The following COP1 variants were observed in gnomAD, a reference collection of about 807,000 sequenced individuals.
COP1 encodes the protein E3 ubiquitin-protein ligase COP1.
In COP1, 24 loss-of-function variants were observed where a neutral mutation model predicts 101.3. The observed-to-expected ratio is 0.24, with a 90% confidence interval of 0.17 to 0.33. The LOEUF (loss-of-function observed/expected upper bound fraction) is 0.33, where lower values mean the gene tolerates loss of function less well. Ranked by LOEUF, COP1 falls within the 10% of genes least tolerant of loss-of-function variation. The pLI is 1.00. For missense variants in COP1, 663 were observed against 906.2 expected (o/e 0.73, Z 3.45); for synonymous variants, 347 against 341.9 (o/e 1.01, Z -0.17).
intron 1 of COP1, among the ~76,000 whole-genome samples, chr1:176,185,089 T>A (rs186088839): frequency 5.9e-5 from 9 of 152,276 alleles, no homozygotes; most frequent in African/African-American, 1.9e-4. Flanking sequence ...TTTCTTCCTA[T>A]CCCAAATAAA....
chr1:176,195,100 GAAAAAGGAGAGGAGAGA>G (rs1415098294), intron 1 of COP1, among the ~76,000 whole-genome samples: 3 of 130,302 alleles, frequency 2.3e-5, no homozygotes, highest in Non-Finnish European at 4.7e-5. Context: ...GAAGAGAAGA[GAAAAAGGAGAGGAGAGA>G]AAGAGGGAGA....
chr1:175,949,763 A>T (rs1261781516), intron 18 of COP1, among the ~76,000 whole-genome samples: 2 of 152,208 alleles, frequency 1.3e-5, no homozygotes, highest in Non-Finnish European at 2.9e-5. Context: ...TAAAGCCGAA[A>T]GCTCCATCTC....
chr1:176,103,241 G>C (rs533378619), intron 9 of COP1, among the ~76,000 whole-genome samples: 2 of 152,316 alleles, frequency 1.3e-5, no homozygotes, highest in South Asian at 4.1e-4. Flanking sequence ...CCTGAATTTA[G>C]TGAAGTGACT....
At chr1:176,206,381 C>G (rs1700853319) in intron 1 of COP1, 191 bp downstream of exon 1, 1 of 606,198 alleles carries the variant, frequency 1.6e-6, no homozygotes, top group Non-Finnish European at 2.8e-6. Flanking sequence ...CTCGCTACTC[C>G]AACATTCCTT....
At position 176,043,145 on chromosome 1, in the gene COP1, C is replaced by G. The variant is rs774069686; in HGVS notation, c.1612+41G>C. ...ATGAAAGGAATTACAGTTAAGAGGG[C>G]CAGGGAGAAGGAGGTGCTGAGAAAG... On this transcript the variant is annotated intron_variant, in intron 14 of 19. Transcript: ENST00000367669. 4 of 1,204,542 alleles carry G rather than the reference C, an allele frequency of 3.3e-6. No homozygotes were observed. In the African/African-American group the frequency reaches 6.0e-5, roughly 18 times the overall value. 74.6% of individuals were successfully genotyped at this position (1,204,542 alleles called of 1,614,324 possible).
intron 6 of COP1, among the ~76,000 whole-genome samples, chr1:176,141,178 T>C (rs1463267999): frequency 2.6e-5 from 4 of 152,174 alleles, no homozygotes; most frequent in Non-Finnish European, 5.9e-5. Flanking sequence ...AATACACCAT[T>C]ACACTTTCAA....
At chr1:176,085,044 A>C (rs1260220657) in intron 10 of COP1, among the ~76,000 whole-genome samples, 7 of 152,208 alleles carry the variant, frequency 4.6e-5, no homozygotes, top group Non-Finnish European at 2.9e-5. Context: ...GAACAGAGTT[A>C]AGAAAAAGAG....
chr1:176,025,358 C>G lies in COP1; in HGVS notation c.1729+2214G>C, dbSNP rs548225982. 1.1e-4 allele frequency among the ~76,000 whole-genome samples: 17 copies of G among 150,504 alleles called. No homozygotes were observed. The East Asian group carries it at 3.1e-3, about 28-fold the overall frequency. ...AGATATCAAGTATAAACAGAAAACC[C>G]AAACACTACTAAAAAGCTACTAGAC... On this transcript the variant is annotated intron_variant, in intron 15 of 19. Transcript: ENST00000367669.
chr1:176,127,070 C>T (rs1349885285), intron 8 of COP1, among the ~76,000 whole-genome samples: 1 of 152,034 alleles, frequency 6.6e-6, no homozygotes, highest in East Asian at 1.9e-4. Context: ...CAGCGCCTAA[C>T]AGTGTTTTTT....
chr1:176,024,529 A>G (rs1185180795), intron 15 of COP1, among the ~76,000 whole-genome samples: 1 of 152,136 alleles, frequency 6.6e-6, no homozygotes, highest in Non-Finnish European at 1.5e-5. Context: ...CACAGCCAAC[A>G]CCATACTTAA....
Position 176,162,884 on chromosome 1 carries a change from C to A in COP1, c.747G>T (p.Lys249Asn). 6.3e-7 allele frequency: 1 copy of A among 1,594,396 alleles called. No individual in the cohort carries two copies. The highest frequency in any genetic ancestry group is 2.3e-5 in the East Asian group (1 of 44,000). ...NLMLELLVQK[K>N]KQLEAESHAA... Reference sequence around the variant, plus strand: ...TACCACTTACTGCTTCCAGTTGTTTCTTCTTCTGCACTAGTAACTCCAACA... The same window carrying A: ...TACCACTTACTGCTTCCAGTTGTTTATTCTTCTGCACTAGTAACTCCAACA... The change falls in exon 5 of 20, where the codon AAG becomes AAT. Residue 249 changes from lysine to asparagine, a missense_variant. Physicochemically the swap from Lys to Asn is moderately conservative, Grantham distance 94. This residue lies in a region of COP1 where 212 missense variants were observed against 240.7 expected (regional missense o/e 0.88). Coordinates refer to ENST00000367669, the MANE Select transcript of COP1 (RefSeq NM_022457.7).
In COP1 at chr1:176,147,680, T is replaced by C. The variant is rs567889588; in HGVS notation, c.831+1326A>G. 3.3e-5 allele frequency among the ~76,000 whole-genome samples: 5 copies of C among 152,304 alleles called. No individual in the cohort carries two copies. The East Asian group carries it at 9.7e-4, about 29-fold the overall frequency. ...CGGCATGATTCATCCAGAAGTTTAA[T>C]AACGGAAATATAAAAACACTATGCC... On this transcript the variant is annotated intron_variant, in intron 6 of 19. Transcript: ENST00000367669.
intron 9 of COP1, among the ~76,000 whole-genome samples, chr1:176,087,602 A>G (rs1470157061): frequency 3.3e-5 from 5 of 152,180 alleles, no homozygotes; most frequent in African/African-American, 4.8e-5. Flanking sequence ...AAGTCAGGGA[A>G]CAACAGGTGC....
intron 15 of COP1, among the ~76,000 whole-genome samples, chr1:176,011,556 C>T (rs147437023): frequency 1.3e-5 from 2 of 152,256 alleles, no homozygotes; most frequent in East Asian, 3.9e-4. Context: ...GCTTATCATA[C>T]CATCTTAACA....
chr1:175,995,612 C>A (rs1659935622), intron 15 of COP1, among the ~76,000 whole-genome samples: 1 of 152,158 alleles, frequency 6.6e-6, no homozygotes, highest in South Asian at 2.1e-4. Flanking sequence ...GAGAATACTA[C>A]AAACACCTCT....
chr1:175,972,520 A>C (rs895970526), intron 18 of COP1, among the ~76,000 whole-genome samples: 7 of 145,206 alleles, frequency 4.8e-5, no homozygotes, highest in African/African-American at 1.8e-4. Flanking sequence ...AATGGAGTGC[A>C]GTGGTGTGAT....
chr1:176,134,751 C>A (rs1182391132), intron 8 of COP1, among the ~76,000 whole-genome samples: 1 of 151,940 alleles, frequency 6.6e-6, no homozygotes, highest in Middle Eastern at 3.2e-3. Flanking sequence ...TTAAAGCTAT[C>A]ATTACTTTAA....
At chr1:176,205,409 A>G (rs1272422922) in intron 1 of COP1, among the ~76,000 whole-genome samples, 1 of 152,226 alleles carries the variant, frequency 6.6e-6, no homozygotes. Flanking sequence ...AGAAACCGTA[A>G]GTCTAATCAA....
Position 176,184,583 on chromosome 1 carries a change from A to G in COP1, c.467+50T>C, listed in dbSNP as rs369587337. The G allele has an allele frequency of 1.1e-4, 151 of 1,402,878 alleles. No homozygotes were observed. The African/African-American group carries it at 1.9e-3, about 18-fold the overall frequency. The allele number at this position is 1,402,878 out of a possible 1,614,324, so 86.9% of individuals were successfully genotyped here. A position where few individuals can be genotyped will look rare whatever the true frequency, so the allele number is the denominator to read the frequency against. On this transcript the variant is annotated intron_variant, in intron 2 of 19. Coordinates refer to ENST00000367669, the MANE Select transcript of COP1 (RefSeq NM_022457.7). ...AACTTCTCATTGGCTACATTTACAG[A>G]TAAGTTTTAAAATGTTAAAAGATTA... is the stretch of plus-strand genomic sequence containing the variant.
Sources: allele counts gnomAD v4.1 joint callset (sites outside exome capture counted in the v4.1 genomes callset), GRCh38; gene constraint gnomAD v4.1.1; regional missense constraint gnomAD v4.1.1; transcripts MANE v1.5; gene names NCBI Gene and HGNC (gene_info 2026-07-23, HGNC 2026-07-21).